CSMD3: variants seen among roughly 807,000 people sequenced by gnomAD.
CSMD3 encodes CUB and Sushi multiple domains 3.
Under a neutral mutation model 435.2 loss-of-function variants are expected in CSMD3, and 177 were observed. The ratio of observed to expected loss-of-function variants is 0.41; its 90% CI spans 0.36 to 0.46. The LOEUF is 0.46. Among genes scored for constraint, CSMD3 ranks in the 20% least tolerant of loss-of-function variants. The probability of loss-of-function intolerance (pLI) is 0.34; values close to 1 mark genes in which losing one functional copy is unlikely to be tolerated. For missense variants in CSMD3, 4,265 were observed against 4,504.6 expected (o/e 0.95, Z 1.52); for synonymous variants, 1,656 against 1,520.5 (o/e 1.09, Z -2.07).
intron 9 of CSMD3, among the ~76,000 whole-genome samples, chr8:112,934,419 A>C (rs1252988151): frequency 6.6e-6 from 1 of 152,218 alleles, no homozygotes; most frequent in Non-Finnish European, 1.5e-5. Context: ...TTTTTGAAGG[A>C]AACACAGATA....
At chr8:113,402,182 A>AT (rs202095439) in intron 1 of CSMD3, among the ~76,000 whole-genome samples, 2,774 of 151,052 alleles carry the variant, frequency 0.018, 100 homozygotes, top group African/African-American at 0.061. Flanking sequence ...TTTATCTTAA[A>AT]TTTTTTATCT....
intron 23 of CSMD3, among the ~76,000 whole-genome samples, chr8:112,580,355 T>C (rs957179746): frequency 6.6e-6 from 1 of 151,960 alleles, no homozygotes; most frequent in Non-Finnish European, 1.5e-5. Context: ...ATTCCCTAGA[T>C]GAGTTAAGCG....
chr8:113,085,197 A>G (rs1333264012), intron 5 of CSMD3, among the ~76,000 whole-genome samples: 2 of 152,054 alleles, frequency 1.3e-5, no homozygotes, highest in Non-Finnish European at 2.9e-5. Context: ...TTATCCACAA[A>G]GGACTAATAT....
intron 5 of CSMD3, among the ~76,000 whole-genome samples, chr8:113,052,061 G>A (rs1165946630): frequency 6.6e-6 from 1 of 152,094 alleles, no homozygotes; most frequent in Non-Finnish European, 1.5e-5. Context: ...CACCTAACTT[G>A]TAGTAAACAT....
chr8:113,272,371 G>C (rs966355589), intron 3 of CSMD3, among the ~76,000 whole-genome samples: 4 of 152,212 alleles, frequency 2.6e-5, no homozygotes, highest in Non-Finnish European at 4.4e-5. Context: ...GAGGGACCCA[G>C]TGGGGGATAA....
intron 2 of CSMD3, 141 bp from the exon 3 acceptor site, chr8:113,278,845 C>A (rs1361012908): frequency 1.6e-6 from 1 of 609,256 alleles, no homozygotes. Context: ...CCAGCCAACA[C>A]CTTGATTTCA....
At position 112,966,192 on chromosome 8, in the gene CSMD3, A is replaced by G. The variant is rs1040211711; in HGVS notation, c.1342+9645T>C. Among the ~76,000 whole-genome samples, 6 of 151,904 alleles carry G rather than the reference A, an allele frequency of 3.9e-5. No homozygotes were observed. In the East Asian group the frequency reaches 7.7e-4, roughly 20 times the overall value. Reference sequence around the variant, plus strand: ...CATCCAAAATAAATAAATAAAATGAATAAAATTAAGTAATTCTATAAGAAT... The same window carrying G: ...CATCCAAAATAAATAAATAAAATGAGTAAAATTAAGTAATTCTATAAGAAT... On this transcript the variant is annotated intron_variant, in intron 7 of 70. Coordinates refer to ENST00000297405, the MANE Select transcript of CSMD3 (RefSeq NM_198123.2).
At chr8:112,405,296 C>A (rs1552786) in intron 35 of CSMD3, among the ~76,000 whole-genome samples, 1 of 123,842 alleles carries the variant, frequency 8.1e-6, no homozygotes, top group Non-Finnish European at 1.6e-5. Context: ...ACTAATATAA[C>A]TTTAATGAGA....
At chr8:112,562,975 A>G (rs1463437236) in intron 24 of CSMD3, among the ~76,000 whole-genome samples, 2 of 151,836 alleles carry the variant, frequency 1.3e-5, no homozygotes, top group Non-Finnish European at 2.9e-5. Context: ...TGCCACATAA[A>G]ACTAACATAT....
chr8:112,671,859 C>A (rs1198545787), intron 16 of CSMD3, among the ~76,000 whole-genome samples: 1 of 151,920 alleles, frequency 6.6e-6, no homozygotes, highest in African/African-American at 2.4e-5. Flanking sequence ...AATATTTAGT[C>A]CAAAGGTTTT....
At chr8:113,211,599 G>A (rs977369827) in intron 3 of CSMD3, among the ~76,000 whole-genome samples, 1 of 152,114 alleles carries the variant, frequency 6.6e-6, no homozygotes. Flanking sequence ...TGAGGCAGGA[G>A]AACCGCTTGA....
intron 5 of CSMD3, among the ~76,000 whole-genome samples, chr8:113,053,986 T>C (rs76871838): frequency 6.6e-6 from 1 of 152,170 alleles, no homozygotes; most frequent in South Asian, 2.1e-4. Context: ...AACATCTTAA[T>C]GGTGGTCTGC....
chr8:112,242,945 A>G (rs1814308691), intron 65 of CSMD3, among the ~76,000 whole-genome samples: 4 of 152,148 alleles, frequency 2.6e-5, no homozygotes, highest in African/African-American at 7.2e-5. Context: ...GCATCTTTAG[A>G]AAATCATAAG....
chr8:113,048,761 C>G (rs1365288128), intron 5 of CSMD3, among the ~76,000 whole-genome samples: 1 of 152,098 alleles, frequency 6.6e-6, no homozygotes, highest in Non-Finnish European at 1.5e-5. Context: ...TGTCAGTGTT[C>G]TTTTCCCTTG....
At chr8:112,525,885 A>C (rs1379214428) in intron 27 of CSMD3, among the ~76,000 whole-genome samples, 1 of 140,444 alleles carries the variant, frequency 7.1e-6, no homozygotes, top group African/African-American at 2.6e-5. Flanking sequence ...TATATATATA[A>C]ATATATATAT....
At chr8:112,823,462 C>A (rs1475361133) in intron 12 of CSMD3, among the ~76,000 whole-genome samples, 6 of 152,120 alleles carry the variant, frequency 3.9e-5, no homozygotes, top group Non-Finnish European at 8.8e-5. Context: ...GCATTTAGTG[C>A]TATAAATTTC....
chr8:112,282,617 C>T (rs1458326005), intron 58 of CSMD3, among the ~76,000 whole-genome samples: 1 of 152,016 alleles, frequency 6.6e-6, no homozygotes, highest in Non-Finnish European at 1.5e-5. Flanking sequence ...CAAGATATGG[C>T]CAAATCGTAC....
intron 4 of CSMD3, among the ~76,000 whole-genome samples, chr8:113,170,040 C>T (rs1248265415): frequency 1.3e-5 from 2 of 152,052 alleles, no homozygotes; most frequent in Non-Finnish European, 2.9e-5. Context: ...AATTAAACTA[C>T]CATTGTTAGG....
At chr8:113,220,567 C>T (rs369192963) in intron 3 of CSMD3, among the ~76,000 whole-genome samples, 6 of 151,326 alleles carry the variant, frequency 4.0e-5, no homozygotes, top group East Asian at 1.9e-4. Flanking sequence ...TAAATAACAA[C>T]GAAGAGAGGC....
Sources: gnomAD v4.1 joint callset for allele counts (sites outside exome capture counted in the v4.1 genomes callset) on GRCh38, gnomAD v4.1.1 for gene constraint, MANE v1.5 for transcripts, NCBI Gene and HGNC (gene_info 2026-07-23, HGNC 2026-07-21) for gene names.